The following KCNH8 variants were observed in gnomAD, a reference collection of about 807,000 sequenced individuals.
KCNH8 encodes the protein potassium voltage-gated channel subfamily H member 8, also known as voltage-gated delayed rectifier potassium channel KCNH8.
In KCNH8, 70 loss-of-function variants were observed where a neutral mutation model predicts 103.6. The observed-to-expected ratio is 0.68, with a 90% CI of 0.56 to 0.82. The LOEUF (loss-of-function observed/expected upper bound fraction) is 0.82, where lower values mean the gene tolerates loss of function less well. KCNH8 is among the 40% of genes least tolerant of loss of function. The probability of loss-of-function intolerance (pLI) is 0.00; values close to 1 mark genes in which losing one functional copy is unlikely to be tolerated. For missense variants in KCNH8, 1,217 were observed against 1,329.9 expected, an observed-to-expected ratio of 0.92 and a Z score of 1.32; for synonymous variants, 498 against 489.4, an observed-to-expected ratio of 1.02 and a Z score of -0.23.
intron 1 of KCNH8, among the ~76,000 whole-genome samples, chr3:19,175,503 C>CCGGCCAACTGTT (rs2063390932): frequency 6.6e-6 from 1 of 152,174 alleles, no homozygotes; most frequent in South Asian, 2.1e-4. Flanking sequence ...GCCCCCGCGC[C>CCGGCCAACTGTT]CGGCCAACTG....
chr3:19,375,217 AT>A, intron 5 of KCNH8, among the ~76,000 whole-genome samples: 1 of 151,912 alleles, frequency 6.6e-6, no homozygotes. Context: ...GGTTGGTTCC[AT>A]TCTCCCCATC....
chr3:19,409,593 A>G (rs571731472), intron 7 of KCNH8, among the ~76,000 whole-genome samples: 104 of 152,186 alleles, frequency 6.8e-4, no homozygotes, highest in African/African-American at 2.3e-3. Context: ...AGAAAACAAG[A>G]CCCATTCATC....
chr3:19,478,540 G>A (rs1306091285), intron 11 of KCNH8, among the ~76,000 whole-genome samples: 2 of 151,956 alleles, frequency 1.3e-5, no homozygotes, highest in African/African-American at 4.8e-5. Flanking sequence ...GGTCTTGAAA[G>A]ACACACACAA....
intron 9 of KCNH8, 118 bp downstream of exon 9, chr3:19,450,423 AT>A: frequency 1.3e-6 from 1 of 760,190 alleles, no homozygotes. Context: ...ATTCCTTTAC[AT>A]TTTTAATTAT....
chr3:19,264,557 G>A (rs139756489), intron 2 of KCNH8, among the ~76,000 whole-genome samples: 4 of 152,158 alleles, frequency 2.6e-5, no homozygotes, highest in Non-Finnish European at 5.9e-5. Context: ...AGATCAGGTC[G>A]CAGTGCATTC....
intron 3 of KCNH8, among the ~76,000 whole-genome samples, chr3:19,287,778 GT>G: frequency 6.6e-6 from 1 of 152,130 alleles, no homozygotes; most frequent in East Asian, 1.9e-4. Flanking sequence ...TAGAGACGGG[GT>G]TTCATCATGT....
chr3:19,417,410 T>C (rs987353442), intron 7 of KCNH8, among the ~76,000 whole-genome samples: 2 of 151,668 alleles, frequency 1.3e-5, no homozygotes, highest in African/African-American at 4.8e-5. Context: ...TATCTACCCA[T>C]AAAAGGCCAA....
At chr3:19,398,882 G>A (rs1396707822) in intron 7 of KCNH8, among the ~76,000 whole-genome samples, 1 of 151,972 alleles carries the variant, frequency 6.6e-6, no homozygotes, top group Non-Finnish European at 1.5e-5. Context: ...ATGTACGAAA[G>A]TTACTAAGAA....
At chr3:19,326,288 G>T (rs1280817229) in intron 3 of KCNH8, among the ~76,000 whole-genome samples, 1 of 150,394 alleles carries the variant, frequency 6.6e-6, no homozygotes, top group East Asian at 2.0e-4. Context: ...CCGTGCCCCT[G>T]CCTGCCATGA....
At chr3:19,153,480 G>T (rs1372261696) in intron 1 of KCNH8, among the ~76,000 whole-genome samples, 4 of 152,084 alleles carry the variant, frequency 2.6e-5, no homozygotes, top group Admixed American at 6.5e-5. Flanking sequence ...CTTTACAGAA[G>T]CATATTGAGG....
At chr3:19,384,787 A>G (rs2066334718) in intron 5 of KCNH8, among the ~76,000 whole-genome samples, 2 of 152,168 alleles carry the variant, frequency 1.3e-5, no homozygotes, top group Admixed American at 1.3e-4. Context: ...TTTAATTCCA[A>G]GTACCTTACA....
intron 1 of KCNH8, among the ~76,000 whole-genome samples, chr3:19,228,664 GTTTA>G (rs1015515998): frequency 2.4e-4 from 37 of 152,188 alleles, no homozygotes; most frequent in African/African-American, 7.9e-4. Flanking sequence ...ATAAAATGAT[GTTTA>G]TTTGTGTGTT....
chr3:19,190,838 C>T (rs1364833138), intron 1 of KCNH8, among the ~76,000 whole-genome samples: 2 of 151,944 alleles, frequency 1.3e-5, no homozygotes, highest in African/African-American at 2.4e-5. Flanking sequence ...CCCTCAAACA[C>T]GAATCTCACG....
chr3:19,354,480 A>T (rs2065850304), intron 5 of KCNH8, among the ~76,000 whole-genome samples: 1 of 152,200 alleles, frequency 6.6e-6, no homozygotes, highest in Non-Finnish European at 1.5e-5. Context: ...ACTTCAAACT[A>T]TACTACAAGG....
chr3:19,275,461 G>C (rs1386253834), intron 2 of KCNH8, among the ~76,000 whole-genome samples: 1 of 152,056 alleles, frequency 6.6e-6, no homozygotes, highest in Non-Finnish European at 1.5e-5. Context: ...TGGCTCACTA[G>C]TATCCTGGGG....
chr3:19,158,872 T>C (rs564556594), intron 1 of KCNH8, among the ~76,000 whole-genome samples: 56 of 152,096 alleles, frequency 3.7e-4, no homozygotes, highest in African/African-American at 1.3e-3. Context: ...TTGCCTTTTG[T>C]TGCTAATTTT....
intron 1 of KCNH8, among the ~76,000 whole-genome samples, chr3:19,172,578 A>G (rs1030845743): frequency 6.6e-6 from 1 of 152,096 alleles, no homozygotes; most frequent in African/African-American, 2.4e-5. Context: ...CCTCCCATTT[A>G]TTGGTCTCTT....
chr3:19,336,488 T>C (rs2065587175), intron 3 of KCNH8, among the ~76,000 whole-genome samples: 1 of 151,856 alleles, frequency 6.6e-6, no homozygotes, highest in Non-Finnish European at 1.5e-5. Context: ...ATTCTTTCTT[T>C]GGTAGATACC....
intron 15 of KCNH8, among the ~76,000 whole-genome samples, chr3:19,532,456 A>AGCATTGGTATG (rs1310544855): frequency 1.3e-5 from 2 of 152,066 alleles, no homozygotes; most frequent in African/African-American, 4.8e-5. Context: ...ATCTGGTATG[A>AGCATTGGTATG]GTTATTTTGT....
Sources: allele counts gnomAD v4.1 joint callset (sites outside exome capture counted in the v4.1 genomes callset), GRCh38; gene constraint gnomAD v4.1.1; transcripts MANE v1.5; gene names NCBI Gene and HGNC (gene_info 2026-07-23, HGNC 2026-07-21).